Variants in SRPK2 observed in about 807,000 individuals in gnomAD.
SRPK2 encodes the protein SFRS protein kinase 2.
Under a neutral mutation model 90.8 loss-of-function variants are expected in SRPK2, and 21 were observed. The observed-to-expected ratio is 0.23, with a 90% CI of 0.16 to 0.33. The LOEUF is 0.33. SRPK2 is among the 10% of genes least tolerant of loss of function. The probability of loss-of-function intolerance (pLI) is 1.00; values close to 1 mark genes in which losing one functional copy is unlikely to be tolerated. For synonymous variants in SRPK2, 288 were observed against 311.1 expected, an observed-to-expected ratio of 0.93 and a Z score of 0.78; for missense variants, 620 against 869.0, an observed-to-expected ratio of 0.71 and a Z score of 3.60.
intron 2 of SRPK2, among the ~76,000 whole-genome samples, chr7:105,378,580 T>G (rs953918175): frequency 6.6e-6 from 1 of 152,070 alleles, no homozygotes; most frequent in Non-Finnish European, 1.5e-5. Context: ...CTGGCCAACA[T>G]GGTGAAACCC....
intron 2 of SRPK2, among the ~76,000 whole-genome samples, chr7:105,222,559 T>C (rs1019017454): frequency 6.6e-6 from 1 of 152,210 alleles, no homozygotes; most frequent in Non-Finnish European, 1.5e-5. Context: ...AACTTCTATT[T>C]TTGCCTACTT....
At chr7:105,177,213 A>G (rs1380894443) in intron 3 of SRPK2, among the ~76,000 whole-genome samples, 4 of 152,226 alleles carry the variant, frequency 2.6e-5, no homozygotes, top group Non-Finnish European at 4.4e-5. Context: ...CCTTTTGATG[A>G]CTTGCTTTTT....
intron 7 of SRPK2, among the ~76,000 whole-genome samples, chr7:105,159,466 A>AAAAAAAAAAAAAAAAAAAAAAC (rs1316365933): frequency 2.2e-3 from 246 of 114,260 alleles, no homozygotes; most frequent in Non-Finnish European, 3.5e-3. Flanking sequence ...AAAAAAAAAA[A>AAAAAAAAAAAAAAAAAAAAAAC]AAAAAAACCG....
intron 3 of SRPK2, among the ~76,000 whole-genome samples, chr7:105,199,631 G>A (rs1034745553): frequency 6.6e-6 from 1 of 152,202 alleles, no homozygotes; most frequent in Non-Finnish European, 1.5e-5. Context: ...AGGATGGGAA[G>A]AGCCCAGACT....
chr7:105,186,693 C>A (rs890723078), intron 3 of SRPK2, among the ~76,000 whole-genome samples: 1 of 152,110 alleles, frequency 6.6e-6, no homozygotes, highest in South Asian at 2.1e-4. Context: ...ACTGAATGAG[C>A]GTCTGATGTG....
At chr7:105,278,741 G>GAAAA (rs1806863665) in intron 2 of SRPK2, among the ~76,000 whole-genome samples, 1 of 151,442 alleles carries the variant, frequency 6.6e-6, no homozygotes, top group Non-Finnish European at 1.5e-5. Flanking sequence ...AAAAGGAAAG[G>GAAAA]GGAAAAGGGG....
chr7:105,225,658 A>G (rs1798619364), intron 2 of SRPK2, among the ~76,000 whole-genome samples: 1 of 152,250 alleles, frequency 6.6e-6, no homozygotes, highest in Non-Finnish European at 1.5e-5. Context: ...TTTTAATTGT[A>G]TTTATAAAGT....
chr7:105,282,742 T>C (rs1396037667), intron 2 of SRPK2, among the ~76,000 whole-genome samples: 1 of 152,138 alleles, frequency 6.6e-6, no homozygotes, highest in African/African-American at 2.4e-5. Flanking sequence ...TGAGCCGAGA[T>C]TGTGCCACTG....
Position 105,260,813 on chromosome 7 carries a change from C to T in SRPK2, c.72-57028G>A, listed in dbSNP as rs1214657194. ...AAACCAAACACCACATGTTCTCACT[C>T]GTAGGTGGGAGTTTAATAATGAGAA... On this transcript the variant is annotated intron_variant, in intron 2 of 15. Transcript: ENST00000393651. Among the ~76,000 whole-genome samples the T allele has an allele frequency of 3.4e-5, 5 of 145,440 alleles. No individual in the cohort carries two copies. The East Asian group carries it at 8.5e-4, about 25-fold the overall frequency.
chr7:105,146,789 A>T, intron 7 of SRPK2, 131 bp from the exon 8 acceptor site: 1 of 973,650 alleles, frequency 1.0e-6, no homozygotes, highest in Non-Finnish European at 1.5e-6. Flanking sequence ...ATTTAGTAAA[A>T]ATCTCCCTCC....
At chr7:105,317,364 G>C (rs1231330273) in intron 2 of SRPK2, among the ~76,000 whole-genome samples, 1 of 152,200 alleles carries the variant, frequency 6.6e-6, no homozygotes. Flanking sequence ...TCAATGTTGA[G>C]TTGACAGCGT....
At chr7:105,254,095 T>G (rs1802879122) in intron 2 of SRPK2, among the ~76,000 whole-genome samples, 1 of 152,240 alleles carries the variant, frequency 6.6e-6, no homozygotes, top group Non-Finnish European at 1.5e-5. Flanking sequence ...TTTAGCTGTT[T>G]CGTAAATGCT....
intron 5 of SRPK2, 125 bp downstream of exon 5, chr7:105,167,883 T>TTATAG: frequency 1.3e-6 from 1 of 757,172 alleles, no homozygotes; most frequent in Non-Finnish European, 2.1e-6. Flanking sequence ...AGTGCTGAGA[T>TTATAG]TATAGGCATG....
intron 15 of SRPK2, among the ~76,000 whole-genome samples, chr7:105,123,180 T>C (rs1251643768): frequency 6.6e-6 from 1 of 152,108 alleles, no homozygotes; most frequent in Non-Finnish European, 1.5e-5. Context: ...AAATTAACCT[T>C]AAGAGGGTGA....
intron 15 of SRPK2, among the ~76,000 whole-genome samples, chr7:105,124,444 C>T (rs1435303843): frequency 6.6e-6 from 1 of 151,938 alleles, no homozygotes; most frequent in African/African-American, 2.4e-5. Flanking sequence ...AGTTCGAGAC[C>T]AGCCTGGCCA....
chr7:105,244,649 G>T, intron 2 of SRPK2: 2 of 829,124 alleles, frequency 2.4e-6, no homozygotes, highest in South Asian at 1.4e-5. Flanking sequence ...GAGAGCAGCA[G>T]CCCTGGCTCT....
intron 2 of SRPK2, among the ~76,000 whole-genome samples, chr7:105,342,382 G>T (rs550368836): frequency 9.2e-4 from 139 of 151,072 alleles, no homozygotes; most frequent in Non-Finnish European, 8.3e-4. Flanking sequence ...AAATATAAAT[G>T]GGAAATGTGA....
intron 2 of SRPK2, among the ~76,000 whole-genome samples, chr7:105,298,456 G>A (rs988178825): frequency 6.6e-6 from 1 of 152,024 alleles, no homozygotes; most frequent in Non-Finnish European, 1.5e-5. Flanking sequence ...GTTACATATA[G>A]GTTTTTTTTC....
intron 2 of SRPK2, chr7:105,306,650 A>G: frequency 1.1e-5 from 4 of 368,042 alleles, no homozygotes; most frequent in Middle Eastern, 3.8e-4. Context: ...TGCCACCTTC[A>G]GTTGGAAAAG....
Sources: gnomAD v4.1 joint callset for allele counts (sites outside exome capture counted in the v4.1 genomes callset) on GRCh38, gnomAD v4.1.1 for gene constraint, MANE v1.5 for transcripts, NCBI Gene and HGNC (gene_info 2026-07-23, HGNC 2026-07-21) for gene names.